The following ZNF516 variants were observed in gnomAD, a reference collection of about 807,000 sequenced individuals.
ZNF516 encodes the protein zinc finger protein 516.
ZNF516 carries 19 observed loss-of-function variants against 79.7 expected under a neutral mutation model. The ratio of observed to expected loss-of-function variants is 0.24; its 90% CI spans 0.17 to 0.35. The LOEUF is 0.35. Among genes scored for constraint, ZNF516 ranks in the 10% least tolerant of loss-of-function variants. ZNF516 has a pLI of 1.00. For synonymous variants in ZNF516, 877 were observed against 739.5 expected (o/e 1.19, Z -3.02); for missense variants, 1,678 against 1,679.5 (o/e 1.00, Z 0.02).
intron 2 of ZNF516, among the ~76,000 whole-genome samples, chr18:76,454,145 T>TA (rs769457435): frequency 3.3e-5 from 5 of 152,234 alleles, no homozygotes; most frequent in Non-Finnish European, 7.3e-5. Flanking sequence ...GGCATTCTGT[T>TA]AAACATTACC....
At chr18:76,487,169 T>TA in intron 1 of ZNF516, among the ~76,000 whole-genome samples, 1 of 152,350 alleles carries the variant, frequency 6.6e-6, no homozygotes, top group South Asian at 2.1e-4. Flanking sequence ...AGCCACAAAT[T>TA]ACACTGCTTT....
intron 1 of ZNF516, among the ~76,000 whole-genome samples, chr18:76,479,723 G>A (rs1160268563): frequency 6.6e-6 from 1 of 152,210 alleles, no homozygotes; most frequent in African/African-American, 2.4e-5. Context: ...CCAATACAGG[G>A]GCCCTCTGTT....
chr18:76,441,196 CCT>C (rs771301971), intron 3 of ZNF516, 47 bp downstream of exon 3: 21 of 1,571,648 alleles, frequency 1.3e-5, no homozygotes, highest in Middle Eastern at 2.1e-4. Flanking sequence ...GCAGGAACCC[CCT>C]GAGCCTGGGA....
chr18:76,431,627 C>T (rs568927938), intron 3 of ZNF516, among the ~76,000 whole-genome samples: 6 of 152,184 alleles, frequency 3.9e-5, no homozygotes, highest in South Asian at 2.1e-4. Flanking sequence ...CTCATTGCAA[C>T]GAGTGAGTTC....
intron 1 of ZNF516, among the ~76,000 whole-genome samples, chr18:76,465,476 G>A (rs1436176326): frequency 6.6e-6 from 1 of 152,216 alleles, no homozygotes; most frequent in Non-Finnish European, 1.5e-5. Flanking sequence ...CGGCGTCCTT[G>A]GACAGCACAC....
At chr18:76,434,241 G>A (rs2075700949) in intron 3 of ZNF516, among the ~76,000 whole-genome samples, 1 of 152,114 alleles carries the variant, frequency 6.6e-6, no homozygotes, top group African/African-American at 2.4e-5. Context: ...TTTCAAGCCA[G>A]AGAAACAAGT....
rs1599113175 is a variant in ZNF516 at position 76,451,842 on chromosome 18, C to T, written c.-157-8631G>A. 6.6e-6 allele frequency among the ~76,000 whole-genome samples: 1 copy of T among 152,294 alleles called. No homozygotes were observed. The highest frequency in any genetic ancestry group is 1.9e-4 in the East Asian group (1 of 5,176). On this transcript the variant is annotated intron_variant, in intron 2 of 6. Transcript: ENST00000443185. The surrounding 1 kb of genome is among the most constrained non-coding windows in gnomAD (Gnocchi z 6.0). The stretch of plus-strand genomic sequence containing the variant: ...TTCTCTCAACAAATGGGGGAAAATT[C>T]CATCACAACAATGAAGAGTTCCTCT...
In ZNF516 at chr18:76,371,474, T is replaced by C; in HGVS notation, c.3357A>G (p.Ala1119=). 6.2e-7 allele frequency: 1 copy of C among 1,606,914 alleles called. No homozygotes were observed. Among genetic ancestry groups the C allele is most frequent in the Non-Finnish European group, 8.5e-7 (1 of 1,179,594 alleles). Residue 1119 remains alanine (A), a synonymous_variant, in exon 5 of 7, where the codon GCA becomes GCG. Transcript: ENST00000443185. ...QPGHLRAHMR[A]HSVVFESDGP... ...TGGGCGGGAGGGCGATACCTGAGTGTGCCCGCATGTGGGCCCTGAGGTGGC... is the reference window on the plus strand; with the variant it reads ...TGGGCGGGAGGGCGATACCTGAGTGCGCCCGCATGTGGGCCCTGAGGTGGC...
intron 6 of ZNF516, 104 bp downstream of exon 6, chr18:76,370,424 T>C: frequency 8.8e-7 from 1 of 1,142,360 alleles, no homozygotes; most frequent in Non-Finnish European, 1.2e-6. Context: ...ACACATCTAG[T>C]GAAAAAAACA....
chr18:76,407,406 C>G (rs1387809682), intron 3 of ZNF516, among the ~76,000 whole-genome samples: 1 of 152,178 alleles, frequency 6.6e-6, no homozygotes, highest in Non-Finnish European at 1.5e-5. Flanking sequence ...GCCTGAGCGA[C>G]AGAGACCCTG....
intron 4 of ZNF516, among the ~76,000 whole-genome samples, chr18:76,374,476 T>G (rs903273499): frequency 6.6e-6 from 1 of 152,138 alleles, no homozygotes; most frequent in African/African-American, 2.4e-5. Context: ...TGGGTAGAGT[T>G]TTTAGACTCT....
At chr18:76,416,260 G>T (rs1428864601) in intron 3 of ZNF516, among the ~76,000 whole-genome samples, 1 of 152,230 alleles carries the variant, frequency 6.6e-6, no homozygotes, top group African/African-American at 2.4e-5. Context: ...CCCCAGGCAG[G>T]ACTGCCCCTT....
In ZNF516 at chr18:76,442,679, G is replaced by A. The variant is rs758710230; in HGVS notation, c.376C>T (p.Arg126Trp). The change falls in exon 3 of 7, where the codon CGG becomes TGG. Residue 126 changes from arginine (R) to tryptophan (W), a missense_variant. By Grantham distance (101) the Arg-to-Trp change is moderately radical. Transcript: ENST00000443185. ...SPTKSASACN[R>W]LLNGASQADG... is the part of the protein sequence containing the mutation. ...GCCTGCGAGGCCCCGTTCAGCAGCCGGTTGCAGGCCGAGGCGCTCTTGGTG... is the reference window on the plus strand; with the variant it reads ...GCCTGCGAGGCCCCGTTCAGCAGCCAGTTGCAGGCCGAGGCGCTCTTGGTG... 31 of 1,584,176 alleles carry A rather than the reference G, an allele frequency of 2.0e-5. No homozygotes were observed. Among genetic ancestry groups the A allele is most frequent in the Non-Finnish European group, 2.5e-5 (29 of 1,168,432 alleles).
intron 1 of ZNF516, chr18:76,492,865 G>C (rs1599176863): frequency 1.0e-6 from 1 of 985,762 alleles, no homozygotes; most frequent in Non-Finnish European, 1.2e-6. Flanking sequence ...GAACTGACTC[G>C]AATAAAAGCG....
intron 1 of ZNF516, among the ~76,000 whole-genome samples, chr18:76,479,835 C>T (rs116499301): frequency 0.012 from 1,885 of 152,330 alleles, 43 homozygotes; most frequent in African/African-American, 0.043. Context: ...CACCCAGGAC[C>T]CTGACACTTC....
In ZNF516 at chr18:76,493,096, CTT is replaced by C. The variant is rs561296687; in HGVS notation, c.-272+2046_-272+2047del. On this transcript the variant is annotated intron_variant, in intron 1 of 6. Coordinates refer to ENST00000443185, the MANE Select transcript of ZNF516 (RefSeq NM_014643.4). The surrounding 1 kb of genome is among the most constrained non-coding windows in gnomAD (Gnocchi z 5.2). ...CAGGGAGACTTCGCAAAGCTGTTTCCTTTTTTTTTTTTCCTCCTCTCCTCCCT... is the reference window on the plus strand; with the variant it reads ...CAGGGAGACTTCGCAAAGCTGTTTCCTTTTTTTTTTCCTCCTCTCCTCCCT... 6 of 803,612 alleles carry C rather than the reference CTT, an allele frequency of 7.5e-6. No homozygotes were observed. Among genetic ancestry groups the C allele is most frequent in the African/African-American group, 5.7e-5 (3 of 52,984 alleles). The allele number at this position is 803,612 out of a possible 1,614,324, so 49.8% of individuals were successfully genotyped here.
chr18:76,417,408 A>C (rs1481022521), intron 3 of ZNF516, among the ~76,000 whole-genome samples: 1 of 152,244 alleles, frequency 6.6e-6, no homozygotes, highest in East Asian at 1.9e-4. Context: ...TCTGCCTTCA[A>C]TAACGGGGAA....
chr18:76,473,527 T>G (rs9946711), intron 1 of ZNF516, among the ~76,000 whole-genome samples: 1 of 151,836 alleles, frequency 6.6e-6, no homozygotes, highest in African/African-American at 2.4e-5. Flanking sequence ...GTTGGCTGGG[T>G]GCGGTGGCTC....
intron 2 of ZNF516, among the ~76,000 whole-genome samples, chr18:76,448,697 G>A (rs17270168): frequency 0.016 from 2,397 of 152,226 alleles, 32 homozygotes; most frequent in Middle Eastern, 0.054. Context: ...AGGGCGGTGC[G>A]GTCAGGGGCT....
Sources: gnomAD v4.1 joint callset for allele counts (sites outside exome capture counted in the v4.1 genomes callset) on GRCh38, gnomAD v4.1.1 for gene constraint, Gnocchi (gnomAD v3.1) non-coding constraint, MANE v1.5 for transcripts, NCBI Gene and HGNC (gene_info 2026-07-23, HGNC 2026-07-21) for gene names.